Variants in VRK2 observed in about 807,000 individuals in gnomAD.
VRK2 encodes VRK serine/threonine kinase 2.
Under a neutral mutation model 57.6 loss-of-function variants are expected in VRK2, and 60 were observed. That is an observed-to-expected ratio of 1.04 (90% confidence interval 0.85 to 1.29). The LOEUF is 1.29. VRK2 is among the 50% of genes most tolerant of loss of function. The probability of loss-of-function intolerance (pLI) is 0.00; values close to 1 mark genes in which losing one functional copy is unlikely to be tolerated. For missense variants in VRK2, 705 were observed against 588.1 expected, an observed-to-expected ratio of 1.20 and a Z score of -2.06; for synonymous variants, 231 against 199.2, an observed-to-expected ratio of 1.16 and a Z score of -1.35.
intron 1 of VRK2, among the ~76,000 whole-genome samples, chr2:57,953,819 A>G (rs1671500262): frequency 1.3e-5 from 2 of 152,234 alleles, no homozygotes; most frequent in African/African-American, 4.8e-5. Context: ...TTATAAAAAA[A>G]TTAAAATGAA....
chr2:58,017,381 C>T (rs1673617900), intron 1 of VRK2, among the ~76,000 whole-genome samples: 1 of 152,164 alleles, frequency 6.6e-6, no homozygotes, highest in Non-Finnish European at 1.5e-5. Context: ...GGAGAGGAGG[C>T]TCAAATTCTG....
intron 1 of VRK2, among the ~76,000 whole-genome samples, chr2:57,979,239 A>G (rs1672342460): frequency 6.6e-6 from 1 of 151,286 alleles, no homozygotes; most frequent in Admixed American, 6.5e-5. Flanking sequence ...AGGAATTACC[A>G]TACTGTCTTC....
intron 1 of VRK2, among the ~76,000 whole-genome samples, chr2:57,994,038 C>T (rs1255635776): frequency 1.3e-5 from 2 of 152,188 alleles, no homozygotes; most frequent in Non-Finnish European, 2.9e-5. Context: ...TGAAGCAATG[C>T]TACCATGATA....
intron 1 of VRK2, among the ~76,000 whole-genome samples, chr2:57,939,785 A>G (rs993749155): frequency 5.3e-5 from 8 of 152,210 alleles, no homozygotes; most frequent in Non-Finnish European, 2.9e-5. Context: ...CTTGCTTGAA[A>G]TTAGGTAGAA....
intron 1 of VRK2, among the ~76,000 whole-genome samples, chr2:57,972,278 G>A (rs1028977177): frequency 1.3e-5 from 2 of 151,480 alleles, no homozygotes; most frequent in African/African-American, 2.4e-5. Context: ...AATATATTAT[G>A]ACATAATATT....
At chr2:58,116,102 A>G (rs1285839303) in intron 7 of VRK2, among the ~76,000 whole-genome samples, 1 of 152,216 alleles carries the variant, frequency 6.6e-6, no homozygotes, top group Non-Finnish European at 1.5e-5. Context: ...TTAGAAGCCC[A>G]TGCTGTAGCA....
At chr2:57,992,590 G>A (rs1252894285) in intron 1 of VRK2, among the ~76,000 whole-genome samples, 1 of 151,984 alleles carries the variant, frequency 6.6e-6, no homozygotes, top group Admixed American at 6.5e-5. Context: ...ACTGCGGACT[G>A]CAGTGGCGCA....
At chr2:57,972,038 C>T (rs1403838817) in intron 1 of VRK2, among the ~76,000 whole-genome samples, 2 of 151,762 alleles carry the variant, frequency 1.3e-5, no homozygotes, top group Non-Finnish European at 2.9e-5. Context: ...ACCTGTTGAC[C>T]ACTGTAGTTT....
At chr2:58,158,150 G>A (rs569385877) in intron 12 of VRK2, among the ~76,000 whole-genome samples, 354 of 147,704 alleles carry the variant, frequency 2.4e-3, no homozygotes, top group African/African-American at 8.4e-3. Flanking sequence ...TTGCACATGT[G>A]AGCTATATGT....
intron 10 of VRK2, among the ~76,000 whole-genome samples, chr2:58,137,089 TG>T (rs1277954813): frequency 7.9e-6 from 1 of 127,360 alleles, no homozygotes; most frequent in African/African-American, 3.1e-5. Flanking sequence ...CATATATATG[TG>T]TATATATCAT....
chr2:58,074,763 C>T (rs1669852822), intron 2 of VRK2, among the ~76,000 whole-genome samples: 1 of 151,912 alleles, frequency 6.6e-6, no homozygotes, highest in African/African-American at 2.4e-5. Flanking sequence ...TATTATTTTC[C>T]TTCACTCTCA....
intron 1 of VRK2, among the ~76,000 whole-genome samples, chr2:57,956,403 A>G (rs946111010): frequency 6.6e-6 from 1 of 152,172 alleles, no homozygotes; most frequent in Non-Finnish European, 1.5e-5. Context: ...TATAAAATAT[A>G]AAGTAAAATA....
intron 10 of VRK2, among the ~76,000 whole-genome samples, chr2:58,138,166 G>C (rs1442096330): frequency 6.6e-6 from 1 of 152,014 alleles, no homozygotes; most frequent in Non-Finnish European, 1.5e-5. Context: ...ACCAAACTTG[G>C]CTTACCAATC....
intron 1 of VRK2, among the ~76,000 whole-genome samples, chr2:57,959,636 G>A (rs191130170): frequency 1.0e-3 from 154 of 152,272 alleles, no homozygotes; most frequent in Middle Eastern, 3.4e-3. Context: ...GCAGGTTTCA[G>A]AAAGCGCTGC....
intron 1 of VRK2, among the ~76,000 whole-genome samples, chr2:57,933,173 T>C (rs1670786668): frequency 6.6e-6 from 1 of 152,116 alleles, no homozygotes; most frequent in African/African-American, 2.4e-5. Context: ...GATCTGTATA[T>C]GTCTTTTGGG....
At chr2:58,129,991 A>G (rs539679940) in intron 8 of VRK2, among the ~76,000 whole-genome samples, 64 of 152,360 alleles carry the variant, frequency 4.2e-4, no homozygotes, top group African/African-American at 1.4e-3. Context: ...CCAAACTATA[A>G]TAGTGAAGTA....
intron 1 of VRK2, among the ~76,000 whole-genome samples, chr2:57,973,500 T>C (rs148250484): frequency 1.3e-5 from 2 of 152,008 alleles, no homozygotes; most frequent in Non-Finnish European, 2.9e-5. Flanking sequence ...TTTTTCACTT[T>C]AAAATCTGAA....
chr2:58,021,087 ATGATATTT>A (rs1460381941), intron 1 of VRK2, among the ~76,000 whole-genome samples: 3 of 152,226 alleles, frequency 2.0e-5, no homozygotes, highest in Non-Finnish European at 4.4e-5. Flanking sequence ...ATGAATATGA[ATGATATTT>A]TGGAAGAGCT....
chr2:58,116,486 T>C (rs1191287495), intron 7 of VRK2, among the ~76,000 whole-genome samples: 1 of 151,900 alleles, frequency 6.6e-6, no homozygotes, highest in Non-Finnish European at 1.5e-5. Context: ...TTTTAAGAGG[T>C]TTAGAAGCCT....
Sources: gnomAD v4.1 joint callset for allele counts (sites outside exome capture counted in the v4.1 genomes callset) on GRCh38, gnomAD v4.1.1 for gene constraint, MANE v1.5 for transcripts, NCBI Gene and HGNC (gene_info 2026-07-23, HGNC 2026-07-21) for gene names.